Variants in CLIC5 observed in about 807,000 individuals in gnomAD.
CLIC5 encodes chloride intracellular channel protein 5.
CLIC5 carries 20 observed loss-of-function variants against 24.7 expected under a neutral mutation model. The observed-to-expected ratio is 0.81, with a 90% confidence interval of 0.57 to 1.18. CLIC5 has a LOEUF of 1.18. CLIC5 is among the 50% of genes most tolerant of loss of function. The pLI is 0.00. For missense variants in CLIC5, 341 were observed against 326.1 expected (o/e 1.05, Z -0.35); for synonymous variants, 159 against 135.6 (o/e 1.17, Z -1.20).
chr6:46,113,435 A>G, the CLIC5 span, among the ~76,000 whole-genome samples: 1 of 152,104 alleles, frequency 6.6e-6, no homozygotes, highest in Non-Finnish European at 1.5e-5. Flanking sequence ...AGCTTTGCAA[A>G]CAGGTGATGT....
chr6:46,006,182 T>G (rs1766575165), intron 1 of CLIC5, among the ~76,000 whole-genome samples: 1 of 139,178 alleles, frequency 7.2e-6, no homozygotes. Context: ...TCTTGCCCTA[T>G]CGCCCAGCCT....
At chr6:46,043,615 G>T (rs1326202039) in intron 1 of CLIC5, among the ~76,000 whole-genome samples, 3 of 152,216 alleles carry the variant, frequency 2.0e-5, no homozygotes, top group East Asian at 3.8e-4. Context: ...GAGGGTAATT[G>T]TAGCAGTTAG....
At chr6:46,092,519 C>T in the CLIC5 span, among the ~76,000 whole-genome samples, 1 of 152,134 alleles carries the variant, frequency 6.6e-6, no homozygotes, top group East Asian at 1.9e-4. Context: ...ATCCATAAAA[C>T]TTTAACTCAA....
chr6:45,972,842 A>G (rs764989071), intron 1 of CLIC5, among the ~76,000 whole-genome samples: 14 of 152,232 alleles, frequency 9.2e-5, no homozygotes, highest in Non-Finnish European at 1.9e-4. Context: ...TAAAAAGTGC[A>G]TCTTTGCACA....
intron 4 of CLIC5, among the ~76,000 whole-genome samples, chr6:45,914,781 T>G (rs1433472402): frequency 7.4e-6 from 1 of 135,998 alleles, no homozygotes; most frequent in Non-Finnish European, 1.6e-5. Context: ...TGAAACTCCG[T>G]CTCTACTAAA....
chr6:45,936,300 G>T (rs1004921385), intron 4 of CLIC5, among the ~76,000 whole-genome samples: 1 of 150,248 alleles, frequency 6.7e-6, no homozygotes, highest in Non-Finnish European at 1.5e-5. Flanking sequence ...CGCCTCCCGG[G>T]TTCAAGTGAT....
At chr6:45,937,010 T>C (rs898269658) in intron 4 of CLIC5, among the ~76,000 whole-genome samples, 1 of 151,120 alleles carries the variant, frequency 6.6e-6, no homozygotes, top group Non-Finnish European at 1.5e-5. Flanking sequence ...AGAGGAGGGG[T>C]GAGTACAGTG....
At chr6:46,118,894 A>G in the CLIC5 span, among the ~76,000 whole-genome samples, 1 of 152,212 alleles carries the variant, frequency 6.6e-6, no homozygotes, top group Non-Finnish European at 1.5e-5. Flanking sequence ...AGAAGGGGAG[A>G]TATTATCTTG....
chr6:46,105,850 GACAGTGATTGC>G, the CLIC5 span, among the ~76,000 whole-genome samples: 163 of 152,300 alleles, frequency 1.1e-3, no homozygotes, highest in African/African-American at 3.6e-3. Context: ...GGGAAGTTCT[GACAGTGATTGC>G]AATAAATGGT....
exon 1 of CLIC5, chr6:46,080,177 T>G: frequency 6.4e-7 from 1 of 1,551,690 alleles, no homozygotes; most frequent in Non-Finnish European, 8.7e-7. Context: ...CTGGCTGGTC[T>G]GGAACCTCAT....
chr6:45,920,367 A>G, intron 4 of CLIC5: 1 of 859,926 alleles, frequency 1.2e-6, no homozygotes, highest in Non-Finnish European at 1.4e-6. Context: ...GATTTTTCCT[A>G]GGAGGAAAGA....
At chr6:46,003,919 C>A (rs1242390792) in intron 1 of CLIC5, among the ~76,000 whole-genome samples, 1 of 152,116 alleles carries the variant, frequency 6.6e-6, no homozygotes, top group Non-Finnish European at 1.5e-5. Context: ...ATAGAGCAAC[C>A]CATCATGCAG....
downstream of CLIC5, among the ~76,000 whole-genome samples, chr6:45,897,609 G>T (rs1010154719): frequency 6.6e-6 from 1 of 152,144 alleles, no homozygotes; most frequent in Non-Finnish European, 1.5e-5. Flanking sequence ...TTTCTTCCAA[G>T]GTAATGAAGT....
intron 4 of CLIC5, among the ~76,000 whole-genome samples, chr6:45,918,734 C>T (rs376559334): frequency 3.3e-5 from 5 of 152,236 alleles, no homozygotes; most frequent in Non-Finnish European, 5.9e-5. Flanking sequence ...TGGCCTGGGC[C>T]GAGTACCCTC....
At chr6:46,107,472 G>C in the CLIC5 span, among the ~76,000 whole-genome samples, 1 of 152,140 alleles carries the variant, frequency 6.6e-6, no homozygotes, top group African/African-American at 2.4e-5. Flanking sequence ...AATTAAAATT[G>C]CTTATTTCCT....
At position 46,029,717 on chromosome 6, in the gene CLIC5, G is replaced by T. The variant is rs944231257; in HGVS notation, c.540+49986C>A. Reference sequence around the variant, plus strand: ...GTGTATCCTTGGCTTTGACAGTGCAGCCCACACCAGTGAACCTCAATTTTC... The same window carrying T: ...GTGTATCCTTGGCTTTGACAGTGCATCCCACACCAGTGAACCTCAATTTTC... On this transcript the variant is annotated intron_variant, in intron 1 of 5. Transcript: ENST00000185206. 2.0e-5 allele frequency among the ~76,000 whole-genome samples: 3 copies of T among 152,230 alleles called. No individual in the cohort carries two copies. The East Asian group carries it at 5.8e-4, about 29-fold the overall frequency.
downstream of CLIC5, among the ~76,000 whole-genome samples, chr6:45,894,403 G>A (rs945348251): frequency 1.3e-5 from 2 of 152,146 alleles, no homozygotes; most frequent in Non-Finnish European, 2.9e-5. Flanking sequence ...CTTCATTATA[G>A]CATCAATTGA....
chr6:46,088,877 G>A, the CLIC5 span, among the ~76,000 whole-genome samples: 1 of 152,164 alleles, frequency 6.6e-6, no homozygotes, highest in Non-Finnish European at 1.5e-5. Context: ...TAATAAATAA[G>A]AACATCTTCT....
intron 1 of CLIC5, among the ~76,000 whole-genome samples, chr6:46,029,352 C>T (rs1028849496): frequency 1.3e-5 from 2 of 152,194 alleles, no homozygotes; most frequent in African/African-American, 4.8e-5. Context: ...AAATTATTAT[C>T]TTATCATAAC....
Sources: allele counts gnomAD v4.1 joint callset (sites outside exome capture counted in the v4.1 genomes callset), GRCh38; gene constraint gnomAD v4.1.1; transcripts MANE v1.5; gene names NCBI Gene and HGNC (gene_info 2026-07-23, HGNC 2026-07-21).